YY1: variants seen among roughly 807,000 people sequenced by gnomAD.
YY1 encodes YY1 transcription factor.
Under a neutral mutation model 35.6 loss-of-function variants are expected in YY1, and 2 were observed. The observed-to-expected ratio is 0.06, with a 90% confidence interval of 0.02 to 0.18. The LOEUF is 0.18. YY1 is among the 10% of genes least tolerant of loss of function. The pLI is 1.00. For missense variants in YY1, 322 were observed against 573.4 expected (o/e 0.56, Z 4.48); for synonymous variants, 268 against 238.9 (o/e 1.12, Z -1.12).
At chr14:100,251,235 C>G (rs1347127980) in intron 1 of YY1, among the ~76,000 whole-genome samples, 2 of 152,104 alleles carry the variant, frequency 1.3e-5, no homozygotes, top group African/African-American at 4.8e-5. Context: ...TCCTTGTATT[C>G]ACAGGAAGGC....
Position 100,239,782 on chromosome 14 carries a change from A to G in YY1, c.538A>G (p.Ser180Gly). Residue 180 changes from serine to glycine, a missense_variant, in exon 1 of 5, where the codon AGC (serine) becomes GGC (glycine). This residue lies in a region of YY1 where 152 missense variants were observed against 167.1 expected (regional missense o/e 0.91). Coordinates refer to ENST00000262238, the MANE Select transcript of YY1 (RefSeq NM_003403.5). The part of the protein sequence containing the change: ...GRVKKGGGKK[S>G]GKKSYLSGGA... Reference sequence around the variant, plus strand: ...CGTCAAGAAGGGCGGCGGCAAGAAGAGCGGCAAGAAGAGTTACCTCAGCGG... The same window carrying G: ...CGTCAAGAAGGGCGGCGGCAAGAAGGGCGGCAAGAAGAGTTACCTCAGCGG... 1.3e-6 allele frequency: 2 copies of G among 1,554,896 alleles called. No homozygotes were observed. The highest frequency in any genetic ancestry group is 1.7e-6 in the Non-Finnish European group (2 of 1,153,272).
Position 100,239,587 on chromosome 14 carries a change from G to A in YY1, c.343G>A (p.Gly115Ser). ...GCAGACGCGCGAGGAGGTGGTGGGC[G>A]GCGACGACTCGGACGGGCTGCGCGC... ...LVQTREEVVG[G>S]DDSDGLRAED... Residue 115 changes from glycine to serine, a missense_variant, in exon 1 of 5, where the codon GGC becomes AGC. Gly to Ser is a moderately conservative substitution (Grantham distance 56). Transcript: ENST00000262238. 2 of 1,612,670 alleles carry A rather than the reference G, an allele frequency of 1.2e-6. No individual in the cohort carries two copies. The highest frequency in any genetic ancestry group is 1.7e-6 in the Non-Finnish European group (2 of 1,179,692).
chr14:100,248,391 G>A (rs1890868426), intron 1 of YY1, among the ~76,000 whole-genome samples: 1 of 151,932 alleles, frequency 6.6e-6, no homozygotes, highest in African/African-American at 2.4e-5. Context: ...CAAAGTGCTG[G>A]GATTATAGGC....
Position 100,276,388 on chromosome 14 carries a change from G to A in YY1, c.904-102G>A. On this transcript the variant is annotated intron_variant, in intron 3 of 4. Coordinates refer to ENST00000262238, the MANE Select transcript of YY1 (RefSeq NM_003403.5). This position sits in a 1 kb window ranked among gnomAD's most constrained non-coding sequence, Gnocchi z 4.1. Reference sequence around the variant, plus strand: ...AAGTAAAATTAAAATGGGGGGTTGGGGAGGTGGTTTTGTTTTAATATGTCA... The same window carrying A: ...AAGTAAAATTAAAATGGGGGGTTGGAGAGGTGGTTTTGTTTTAATATGTCA... The A allele has an allele frequency of 6.7e-7, 1 of 1,498,854 alleles. No individual in the cohort carries two copies. Among genetic ancestry groups the A allele is most frequent in the Non-Finnish European group, 9.2e-7 (1 of 1,081,134 alleles). The allele number at this position is 1,498,854 out of a possible 1,614,324, so 92.8% of individuals were successfully genotyped here.
chr14:100,276,419 G>T lies in YY1; in HGVS notation c.904-71G>T. On this transcript the variant is annotated intron_variant, in intron 3 of 4. Transcript: ENST00000262238. This position sits in a 1 kb window ranked among gnomAD's most constrained non-coding sequence, Gnocchi z 4.1. ...GGTTTTGTTTTAATATGTCAGTAAA[G>T]GCTGTTAAATGGTTGAATCCTTTCT... The T allele has an allele frequency of 1.2e-6, 2 of 1,608,530 alleles. No individual in the cohort carries two copies. Among genetic ancestry groups the T allele is most frequent in the South Asian group, 2.2e-5 (2 of 90,864 alleles).
At chr14:100,258,849 A>G (rs7154139) in intron 1 of YY1, among the ~76,000 whole-genome samples, 2,696 of 152,366 alleles carry the variant, frequency 0.018, 70 homozygotes, top group African/African-American at 0.062. Flanking sequence ...AGTGCTTTTC[A>G]TTGCTGAGAG....
At chr14:100,266,839 G>A (rs563050695) in intron 2 of YY1, among the ~76,000 whole-genome samples, 2 of 152,280 alleles carry the variant, frequency 1.3e-5, no homozygotes, top group South Asian at 4.1e-4. Flanking sequence ...TCAGATACAA[G>A]GTCAAGAGAT....
intron 1 of YY1, among the ~76,000 whole-genome samples, chr14:100,240,688 A>C (rs1451020629): frequency 1.3e-5 from 2 of 152,078 alleles, no homozygotes; most frequent in Non-Finnish European, 1.5e-5. Flanking sequence ...GGAGCCTGTC[A>C]CCGCCGTTGC....
At chr14:100,241,099 C>T (rs1321541016) in intron 1 of YY1, among the ~76,000 whole-genome samples, 3 of 152,172 alleles carry the variant, frequency 2.0e-5, no homozygotes, top group Admixed American at 2.0e-4. Context: ...TAATTCAATG[C>T]TGGTTTTTTA....
In YY1 at chr14:100,253,827, T is replaced by A. The variant is rs375495823; in HGVS notation, c.680-8477T>A. Among the ~76,000 whole-genome samples, 4 of 152,102 alleles carry A rather than the reference T, an allele frequency of 2.6e-5. No individual in the cohort carries two copies. In the East Asian group the frequency reaches 7.7e-4, roughly 29 times the overall value. ...AACAAAGATTTTTATTATTATTATT[T>A]TTTATAATTTTCTTTTTTTGAGATG... On this transcript the variant is annotated intron_variant, in intron 1 of 4. Transcript: ENST00000262238.
intron 1 of YY1, among the ~76,000 whole-genome samples, chr14:100,257,196 T>A (rs1891017274): frequency 6.6e-6 from 1 of 152,170 alleles, no homozygotes; most frequent in Non-Finnish European, 1.5e-5. Flanking sequence ...TTGCTCAGAT[T>A]TGGGTTCTGA....
At chr14:100,263,872 G>A (rs1360562671) in intron 2 of YY1, 1 of 152,066 alleles carries the variant, frequency 6.6e-6, no homozygotes, top group Non-Finnish European at 1.5e-5. Flanking sequence ...GAATTCCATT[G>A]TGGTTTGATA....
At chr14:100,252,819 C>G (rs1179154776) in intron 1 of YY1, among the ~76,000 whole-genome samples, 12 of 152,148 alleles carry the variant, frequency 7.9e-5, no homozygotes, top group African/African-American at 2.4e-5. Context: ...AGGAGGATCA[C>G]TTGAGCCCAG....
At position 100,276,440 on chromosome 14, in the gene YY1, T is replaced by C. The variant is rs752909246; in HGVS notation, c.904-50T>C. 1.2e-6 allele frequency: 2 copies of C among 1,613,718 alleles called. No individual in the cohort carries two copies. The highest frequency in any genetic ancestry group is 8.5e-7 in the Non-Finnish European group (1 of 1,179,650). On this transcript the variant is annotated intron_variant, in intron 3 of 4. Transcript: ENST00000262238. This position sits in a 1 kb window ranked among gnomAD's most constrained non-coding sequence, Gnocchi z 4.1. ...TAAAGGCTGTTAAATGGTTGAATCCTTTCTAACAGTTTGCAATGTGAACTT... is the reference window on the plus strand; with the variant it reads ...TAAAGGCTGTTAAATGGTTGAATCCCTTCTAACAGTTTGCAATGTGAACTT...
rs770372977 is a variant in YY1, at chr14:100,239,586, C to G, written c.342C>G (p.Gly114=). 1 of 1,612,582 alleles carries G rather than the reference C, an allele frequency of 6.2e-7. No individual in the cohort carries two copies. The highest frequency in any genetic ancestry group is 1.1e-5 in the South Asian group (1 of 91,068). Residue 114 remains glycine (G), a synonymous_variant, in exon 1 of 5, where the codon GGC becomes GGG. Coordinates refer to ENST00000262238, the MANE Select transcript of YY1 (RefSeq NM_003403.5). ...ILVQTREEVV[G]GDDSDGLRAE... is the part of the protein sequence containing the mutation. ...TGCAGACGCGCGAGGAGGTGGTGGGCGGCGACGACTCGGACGGGCTGCGCG... is the reference window on the plus strand; with the variant it reads ...TGCAGACGCGCGAGGAGGTGGTGGGGGGCGACGACTCGGACGGGCTGCGCG...
At chr14:100,248,679 C>CTTTTTT (rs11415073) in intron 1 of YY1, among the ~76,000 whole-genome samples, 124 of 105,002 alleles carry the variant, frequency 1.2e-3, no homozygotes, top group Non-Finnish European at 1.7e-3. Flanking sequence ...GAGTAAAATT[C>CTTTTTT]TTTTTTTTTT....
intron 2 of YY1, among the ~76,000 whole-genome samples, chr14:100,264,451 C>T (rs781173349): frequency 7.2e-5 from 11 of 152,058 alleles, no homozygotes; most frequent in African/African-American, 1.4e-4. Context: ...TGATTATAGA[C>T]GTGAGCCACT....
chr14:100,258,376 C>T (rs1178967222), intron 1 of YY1, among the ~76,000 whole-genome samples: 1 of 152,094 alleles, frequency 6.6e-6, no homozygotes, highest in African/African-American at 2.4e-5. Flanking sequence ...TTTCGGAATA[C>T]ATCCAGCTAT....
chr14:100,276,741 C>T lies in YY1; in HGVS notation c.1062+93C>T. On this transcript the variant is annotated intron_variant, in intron 4 of 4. Transcript: ENST00000262238. This position sits in a 1 kb window ranked among gnomAD's most constrained non-coding sequence, Gnocchi z 4.1. ...GGTGATGAGGCAGGAGGCGCCAGCC[C>T]AGAGACTCAGGGTCTTATTACTCCT... The T allele has an allele frequency of 1.9e-6, 3 of 1,585,900 alleles. No homozygotes were observed. The highest frequency in any genetic ancestry group is 2.2e-5 in the South Asian group (2 of 89,736).
Sources: gnomAD v4.1 joint callset for allele counts (sites outside exome capture counted in the v4.1 genomes callset) on GRCh38, gnomAD v4.1.1 for gene constraint, gnomAD v4.1.1 regional missense constraint, Gnocchi (gnomAD v3.1) non-coding constraint, MANE v1.5 for transcripts, NCBI Gene and HGNC (gene_info 2026-07-23, HGNC 2026-07-21) for gene names.